The following KDM4C variants were observed in gnomAD, a reference collection of about 807,000 sequenced individuals.
The protein encoded by KDM4C is lysine demethylase 4C.
In KDM4C, 81 loss-of-function variants were observed where a neutral mutation model predicts 129.3. The observed-to-expected ratio is 0.63, with a 90% confidence interval of 0.52 to 0.75. The LOEUF is 0.75. KDM4C is among the 30% of genes least tolerant of loss of function. The pLI is 0.00. For missense variants in KDM4C, 1,457 were observed against 1,304.0 expected (o/e 1.12, Z -1.81); for synonymous variants, 573 against 456.1 (o/e 1.26, Z -3.26).
chr9:6,770,660 A>G (rs755363726), intron 1 of KDM4C, among the ~76,000 whole-genome samples: 53 of 151,492 alleles, frequency 3.5e-4, no homozygotes, highest in Non-Finnish European at 7.1e-4. Flanking sequence ...TTCATTAATA[A>G]TGAAAAAAGC....
chr9:6,958,642 A>G (rs1191057479), intron 8 of KDM4C, among the ~76,000 whole-genome samples: 2 of 149,868 alleles, frequency 1.3e-5, no homozygotes, highest in Non-Finnish European at 3.0e-5. Flanking sequence ...TCCCCCTAGT[A>G]GTTTGGCTAT....
intron 18 of KDM4C, among the ~76,000 whole-genome samples, chr9:7,126,613 T>C (rs954867457): frequency 6.6e-6 from 1 of 152,220 alleles, no homozygotes; most frequent in East Asian, 1.9e-4. Flanking sequence ...TATACGCATG[T>C]GTGTATTTAT....
intron 1 of KDM4C, among the ~76,000 whole-genome samples, chr9:6,744,431 A>G (rs1817810670): frequency 6.6e-6 from 1 of 152,214 alleles, no homozygotes; most frequent in South Asian, 2.1e-4. Flanking sequence ...AGGCTGAGGC[A>G]GGAGAATTGC....
intron 5 of KDM4C, among the ~76,000 whole-genome samples, chr9:6,879,330 T>C (rs1419380627): frequency 1.3e-5 from 2 of 152,204 alleles, no homozygotes; most frequent in African/African-American, 4.8e-5. Context: ...AAGTCCATAG[T>C]AAAAATAACT....
intron 1 of KDM4C, among the ~76,000 whole-genome samples, chr9:6,775,417 AGATT>A (rs1205323010): frequency 1.3e-5 from 2 of 151,992 alleles, no homozygotes; most frequent in Non-Finnish European, 2.9e-5. Flanking sequence ...ATTTTCTTGT[AGATT>A]GATTTTTGAG....
At chr9:7,092,708 C>G (rs185916436) in intron 17 of KDM4C, among the ~76,000 whole-genome samples, 1 of 152,216 alleles carries the variant, frequency 6.6e-6, no homozygotes, top group Admixed American at 6.5e-5. Flanking sequence ...ACTGGGTAAT[C>G]TTCATCTTTC....
intron 17 of KDM4C, chr9:7,076,384 T>C: frequency 7.7e-7 from 1 of 1,297,196 alleles, no homozygotes; most frequent in Non-Finnish European, 1.1e-6. Flanking sequence ...CACTATAATT[T>C]ATTAAAATCT....
At chr9:6,954,474 C>CT (rs1378574236) in intron 8 of KDM4C, among the ~76,000 whole-genome samples, 1 of 152,130 alleles carries the variant, frequency 6.6e-6, no homozygotes, top group Non-Finnish European at 1.5e-5. Context: ...CTGGTAGCTA[C>CT]TCTTGACAAG....
intron 15 of KDM4C, among the ~76,000 whole-genome samples, chr9:7,032,921 C>T (rs530699902): frequency 1.3e-5 from 2 of 152,302 alleles, no homozygotes; most frequent in South Asian, 2.1e-4. Flanking sequence ...AGGTTCTTTT[C>T]CCTTTCATAT....
chr9:7,088,522 G>T (rs10815513), intron 17 of KDM4C, among the ~76,000 whole-genome samples: 1 of 152,030 alleles, frequency 6.6e-6, no homozygotes, highest in East Asian at 1.9e-4. Context: ...AGTAGTCCAT[G>T]ATTTGTAGCC....
chr9:6,876,193 G>C (rs998229632), intron 5 of KDM4C, among the ~76,000 whole-genome samples: 5 of 152,160 alleles, frequency 3.3e-5, no homozygotes, highest in African/African-American at 1.2e-4. Flanking sequence ...TACTGGATGT[G>C]GGGGGCAGCA....
At chr9:6,818,789 C>T (rs1230458999) in intron 4 of KDM4C, among the ~76,000 whole-genome samples, 1 of 152,020 alleles carries the variant, frequency 6.6e-6, no homozygotes, top group African/African-American at 2.4e-5. Flanking sequence ...AGTTGGGAGG[C>T]TAGTAAAAGG....
At chr9:6,837,822 TG>T (rs902048661) in intron 4 of KDM4C, among the ~76,000 whole-genome samples, 1 of 152,180 alleles carries the variant, frequency 6.6e-6, no homozygotes, top group African/African-American at 2.4e-5. Context: ...AATGAACAAA[TG>T]TCTTAATTTT....
intron 4 of KDM4C, chr9:6,834,794 G>A: frequency 7.4e-7 from 1 of 1,347,396 alleles, no homozygotes; most frequent in Non-Finnish European, 1.1e-6. Context: ...GAACCCCAAG[G>A]CCAGCCGCGA....
intron 8 of KDM4C, among the ~76,000 whole-genome samples, chr9:6,938,352 C>T (rs1207348805): frequency 6.6e-6 from 1 of 152,154 alleles, no homozygotes; most frequent in East Asian, 1.9e-4. Flanking sequence ...GAGAGTGCAG[C>T]TCAGTTCTAA....
chr9:6,954,697 C>G (rs996991826), intron 8 of KDM4C, among the ~76,000 whole-genome samples: 10 of 152,158 alleles, frequency 6.6e-5, no homozygotes, highest in Non-Finnish European at 8.8e-5. Flanking sequence ...ATTTAGCATT[C>G]TATGTAACTT....
intron 19 of KDM4C, among the ~76,000 whole-genome samples, chr9:7,135,798 C>T (rs1396474963): frequency 1.3e-5 from 2 of 152,212 alleles, no homozygotes; most frequent in African/African-American, 4.8e-5. Flanking sequence ...TCGTCGGTGT[C>T]TACACTTTGA....
chr9:7,091,094 T>C (rs1310743683), intron 17 of KDM4C, among the ~76,000 whole-genome samples: 1 of 152,188 alleles, frequency 6.6e-6, no homozygotes, highest in Non-Finnish European at 1.5e-5. Flanking sequence ...GGGGGCTCTA[T>C]TTTTAATCTG....
intron 17 of KDM4C, among the ~76,000 whole-genome samples, chr9:7,074,859 A>G (rs535023768): frequency 7.2e-4 from 110 of 152,272 alleles, no homozygotes; most frequent in African/African-American, 2.5e-3. Flanking sequence ...GTATATCTGA[A>G]TGCACATTTT....
Sources: gnomAD v4.1 joint callset for allele counts (sites outside exome capture counted in the v4.1 genomes callset) on GRCh38, gnomAD v4.1.1 for gene constraint, MANE v1.5 for transcripts, NCBI Gene and HGNC (gene_info 2026-07-23, HGNC 2026-07-21) for gene names.